SLC22A14: variants seen among roughly 807,000 people sequenced by gnomAD.
SLC22A14 encodes the protein solute carrier family 22 member 14.
In SLC22A14, 50 loss-of-function variants were observed where a neutral mutation model predicts 53.9. That is an observed-to-expected ratio of 0.93 (90% confidence interval 0.74 to 1.17). SLC22A14 has a LOEUF of 1.17. Among genes scored for constraint, SLC22A14 ranks in the 50% most tolerant of loss-of-function variants. SLC22A14 has a pLI of 0.00. For missense variants in SLC22A14, 671 were observed against 734.7 expected (o/e 0.91, Z 1.00); for synonymous variants, 312 against 303.0 (o/e 1.03, Z -0.31).
intron 1 of SLC22A14, chr3:38,305,808 A>T: frequency 1.8e-6 from 1 of 555,322 alleles, no homozygotes; most frequent in Non-Finnish European, 3.2e-6. Context: ...CTAAAACATT[A>T]AAAATCTCAA....
intron 1 of SLC22A14, among the ~76,000 whole-genome samples, chr3:38,295,803 T>C (rs566954439): frequency 7.1e-6 from 1 of 141,158 alleles, no homozygotes; most frequent in East Asian, 2.0e-4. Flanking sequence ...TCTCTGTCTG[T>C]CTCTCTCTCT....
chr3:38,283,261 C>T (rs1027532131), intron 1 of SLC22A14, among the ~76,000 whole-genome samples: 1 of 152,076 alleles, frequency 6.6e-6, no homozygotes, highest in African/African-American at 2.4e-5. Context: ...ACCTTAACTT[C>T]ATCTGTAACT....
chr3:38,315,838 T>G (rs1428260828), intron 9 of SLC22A14, 127 bp downstream of exon 9: 4 of 992,962 alleles, frequency 4.0e-6, no homozygotes, highest in South Asian at 1.5e-5. Context: ...TTTACATAAG[T>G]GATCTCATTT....
intron 5 of SLC22A14, among the ~76,000 whole-genome samples, chr3:38,311,552 C>T (rs1257449186): frequency 2.0e-5 from 3 of 152,220 alleles, no homozygotes; most frequent in Non-Finnish European, 4.4e-5. Context: ...TTGTTTCTCT[C>T]TTCTCACATT....
upstream of SLC22A14, among the ~76,000 whole-genome samples, chr3:38,281,098 G>A (rs534553311): frequency 9.3e-4 from 141 of 152,256 alleles, no homozygotes; most frequent in African/African-American, 3.2e-3. Context: ...GGGATGAGGG[G>A]CCTAGGACCA....
In SLC22A14 at chr3:38,312,999, G is replaced by C. The variant is rs1455540173; in HGVS notation, c.945G>C (p.Trp315Cys). 1.9e-6 allele frequency: 3 copies of C among 1,578,274 alleles called. No individual in the cohort carries two copies. Among genetic ancestry groups the C allele is most frequent in the Admixed American group, 1.9e-5 (1 of 52,810 alleles). Residue 315 changes from tryptophan to cysteine, a missense_variant and splice_region_variant, in exon 6 of 11, where the codon TGG (tryptophan) becomes TGC (cysteine). Transcript: ENST00000448498. ...ILVIPFISYI[W>C]ILPESPRWLM... ...GATAAGAGAGGGGCTGGCCACGCAG[G>C]ATTCTCCCGGAGTCCCCGCGGTGGC...
chr3:38,298,595 G>A (rs116357198), intron 1 of SLC22A14, among the ~76,000 whole-genome samples: 2,633 of 151,738 alleles, frequency 0.017, 77 homozygotes, highest in African/African-American at 0.06. Flanking sequence ...ACGGAGTCTT[G>A]CTCTGTCACC....
At position 38,307,662 on chromosome 3, in the gene SLC22A14, CT is replaced by C. The variant is rs1333932615; in HGVS notation, c.720del (p.Arg241AlafsTer23). 1 of 1,614,082 alleles carries C rather than the reference CT, an allele frequency of 6.2e-7. No individual in the cohort carries two copies. Among genetic ancestry groups the C allele is most frequent in the African/African-American group, 1.3e-5 (1 of 74,922 alleles). On this transcript the variant is annotated frameshift_variant, in exon 4 of 11. Transcript: ENST00000448498. LOFTEE classifies it high-confidence loss of function. The surrounding 1 kb of genome is among the most constrained non-coding windows in gnomAD (Gnocchi z 4.4). ...TGAACAGCTTTCACCTGTATTTGTT[CT>C]TTCGCTTTGGCATCTCGCAGTCAGT... ...FMNSFHLYLFFRFGISQSVVG... is the reference protein window; with the variant it reads ...FMNSFHLYLFXRFGISQSVVG...
At chr3:38,300,157 A>G (rs78607364) in intron 1 of SLC22A14, among the ~76,000 whole-genome samples, 9,774 of 152,270 alleles carry the variant, frequency 0.064, 375 homozygotes, top group East Asian at 0.16. Flanking sequence ...AATTGTTCCA[A>G]GGCCAGGTGC....
chr3:38,314,107 G>A (rs367695233), intron 8 of SLC22A14, among the ~76,000 whole-genome samples, 166 bp downstream of exon 8: 1 of 152,082 alleles, frequency 6.6e-6, no homozygotes, highest in South Asian at 2.1e-4. Context: ...AATCCCTGGA[G>A]CACTGCTCTT....
chr3:38,312,625 G>T (rs891978186), intron 5 of SLC22A14, among the ~76,000 whole-genome samples: 1 of 152,202 alleles, frequency 6.6e-6, no homozygotes, highest in Non-Finnish European at 1.5e-5. Context: ...GGGCATGGGG[G>T]CTCTACAGGA....
intron 5 of SLC22A14, among the ~76,000 whole-genome samples, chr3:38,311,934 A>G (rs1434679465): frequency 1.3e-5 from 2 of 152,150 alleles, no homozygotes; most frequent in East Asian, 3.8e-4. Context: ...CATGAGGCCA[A>G]TCCCCCATCT....
rs1461819096 is a variant in SLC22A14 at position 38,307,215 on chromosome 3, G to C, written c.517-39G>C. Reference sequence around the variant, plus strand: ...ATGAGTCTCAGTCTCTGGACCCAAAGGTGGGCACCCGTGGCCAATCTCTGT... The same window carrying C: ...ATGAGTCTCAGTCTCTGGACCCAAACGTGGGCACCCGTGGCCAATCTCTGT... On this transcript the variant is annotated intron_variant, in intron 2 of 10. Coordinates refer to ENST00000448498, the MANE Select transcript of SLC22A14 (RefSeq NM_001320033.2). This position sits in a 1 kb window ranked among gnomAD's most constrained non-coding sequence, Gnocchi z 4.4. 6.9e-7 allele frequency: 1 copy of C among 1,449,168 alleles called. No homozygotes were observed. The highest frequency in any genetic ancestry group is 1.1e-5 in the South Asian group (1 of 87,794). The allele number at this position is 1,449,168 out of a possible 1,614,324, so 89.8% of individuals were successfully genotyped here.
rs868404513 is a variant in SLC22A14 at position 38,305,896 on chromosome 3, G to A, written c.1-131G>A. On this transcript the variant is annotated intron_variant, in intron 1 of 10. Coordinates refer to ENST00000448498, the MANE Select transcript of SLC22A14 (RefSeq NM_001320033.2). ...TAAGAAAGCAAGGGAGGGAACTACT[G>A]AGAACGTCAAGGTTGGAATCCATAT... 10 of 851,948 alleles carry A rather than the reference G, an allele frequency of 1.2e-5. No individual in the cohort carries two copies. In the East Asian group the frequency reaches 2.2e-4, roughly 19 times the overall value. The allele number at this position is 851,948 out of a possible 1,614,324, so 52.8% of individuals were successfully genotyped here. A position where few individuals can be genotyped will look rare whatever the true frequency, so the allele number is the denominator to read the frequency against.
intron 1 of SLC22A14, among the ~76,000 whole-genome samples, chr3:38,289,078 G>T (rs1011138065): frequency 6.7e-6 from 1 of 149,116 alleles, no homozygotes; most frequent in African/African-American, 2.5e-5. Flanking sequence ...TTCTCTGAAG[G>T]CTGAGACAGA....
chr3:38,306,088 A>G lies in SLC22A14; in HGVS notation c.62A>G (p.Asn21Ser). The G allele has an allele frequency of 3.1e-6, 5 of 1,614,026 alleles. No homozygotes were observed. The highest frequency in any genetic ancestry group is 2.5e-6 in the Non-Finnish European group (3 of 1,179,954). Residue 21 changes from asparagine to serine, a missense_variant, in exon 2 of 11, where the codon AAC becomes AGC. Transcript: ENST00000448498. Reference sequence around the variant, plus strand: ...TCCCAGGATGCTTCCAGGAACTTGAACCAGCATGAGGTAGCAGGACATCCA... The same window carrying G: ...TCCCAGGATGCTTCCAGGAACTTGAGCCAGCATGAGGTAGCAGGACATCCA... Reference protein sequence around the residue: ...LRSQDASRNLNQHEVAGHPHS... With the variant: ...LRSQDASRNLSQHEVAGHPHS...
intron 6 of SLC22A14, 42 bp from the exon 7 acceptor site, chr3:38,313,346 G>T: frequency 6.6e-7 from 1 of 1,507,392 alleles, no homozygotes; most frequent in South Asian, 1.1e-5. Context: ...GAGCAAGCTG[G>T]GGTCTTGGCC....
intron 5 of SLC22A14, among the ~76,000 whole-genome samples, chr3:38,312,267 G>A (rs907588514): frequency 6.6e-6 from 1 of 152,132 alleles, no homozygotes; most frequent in African/African-American, 2.4e-5. Context: ...CCTTGAGCCT[G>A]GGAGTAAAAT....
chr3:38,310,807 A>G (rs889147201), intron 5 of SLC22A14, among the ~76,000 whole-genome samples: 1 of 151,998 alleles, frequency 6.6e-6, no homozygotes, highest in Non-Finnish European at 1.5e-5. Flanking sequence ...AGCAGGGTCC[A>G]CTTGGCCAAA....
Sources: allele counts gnomAD v4.1 joint callset (sites outside exome capture counted in the v4.1 genomes callset), GRCh38; gene constraint gnomAD v4.1.1; non-coding constraint Gnocchi (gnomAD v3.1); transcripts MANE v1.5; gene names NCBI Gene and HGNC (gene_info 2026-07-23, HGNC 2026-07-21).